Variants in CFAP91 observed in about 807,000 individuals in gnomAD.
The protein encoded by CFAP91 is cilia and flagella associated protein 91.
A neutral mutation model predicts 95.9 loss-of-function variants in CFAP91; 85 were observed. The ratio of observed to expected loss-of-function variants is 0.89; its 90% CI spans 0.74 to 1.06. CFAP91 has a LOEUF of 1.06. Among genes scored for constraint, CFAP91 ranks in the 50% least tolerant of loss-of-function variants. The pLI is 0.00. For missense variants in CFAP91, 962 were observed against 943.4 expected (o/e 1.02, Z -0.26); for synonymous variants, 335 against 327.5 (o/e 1.02, Z -0.25).
chr3:119,703,075 T>G lies in CFAP91; in HGVS notation c.-24T>G. On this transcript the variant is annotated 5_prime_UTR_variant, in exon 1 of 18. Transcript: ENST00000273390. ...CAGGCCTGACCCGCTGGTCCCTTGCTGGCGGGAGGAAAGAGGCGGCACCAT... is the reference window on the plus strand; with the variant it reads ...CAGGCCTGACCCGCTGGTCCCTTGCGGGCGGGAGGAAAGAGGCGGCACCAT... 6.4e-7 allele frequency: 1 copy of G among 1,550,448 alleles called. No individual in the cohort carries two copies.
At chr3:119,751,305 ACT>A (rs2054320939) in intron 17 of CFAP91, among the ~76,000 whole-genome samples, 1 of 152,078 alleles carries the variant, frequency 6.6e-6, no homozygotes, top group African/African-American at 2.4e-5. Flanking sequence ...CAGCAATTAG[ACT>A]CTTGTGATAC....
At chr3:119,752,507 C>A (rs1294752898) in intron 17 of CFAP91, 1 of 152,152 alleles carries the variant, frequency 6.6e-6, no homozygotes, top group Non-Finnish European at 1.5e-5. Context: ...TATAAAACAT[C>A]TATTACATGT....
rs142803302 is a variant in CFAP91 at position 119,722,081 on chromosome 3, G to T, written c.683-4090G>T. 7.9e-4 allele frequency among the ~76,000 whole-genome samples: 119 copies of T among 151,312 alleles called. 1 individual carries two copies. The highest frequency in any genetic ancestry group is 7.9e-4 in the Non-Finnish European group (54 of 67,928). ...CTAGCTACTCAAGAAGCTGATGCAG[G>T]ATTGCTTGAGCCCAGGGGTTCAAGG... On this transcript the variant is annotated intron_variant, in intron 6 of 17. Coordinates refer to ENST00000273390, the MANE Select transcript of CFAP91 (RefSeq NM_033364.4).
chr3:119,715,754 A>G lies in CFAP91; in HGVS notation c.682+11A>G. The G allele has an allele frequency of 6.2e-7, 1 of 1,612,130 alleles. No homozygotes were observed. Among genetic ancestry groups the G allele is most frequent in the Non-Finnish European group, 8.5e-7 (1 of 1,178,176 alleles). ...CTACGCTTACTTGGGGTGAGTTGGT[A>G]AATCTCCTGACTATTGGCAGATGAC... On this transcript the variant is annotated intron_variant, in intron 6 of 17. Coordinates refer to ENST00000273390, the MANE Select transcript of CFAP91 (RefSeq NM_033364.4).
intron 3 of CFAP91, among the ~76,000 whole-genome samples, chr3:119,708,286 T>A (rs75639389): frequency 1.4e-5 from 2 of 147,738 alleles, no homozygotes; most frequent in African/African-American, 2.5e-5. Flanking sequence ...AAAAAAAAAT[T>A]GTCTTTTAAT....
At chr3:119,758,060 G>T (rs35246961) in intron 17 of CFAP91, among the ~76,000 whole-genome samples, 33,593 of 151,888 alleles carry the variant, frequency 0.22, 3,858 homozygotes, top group Admixed American at 0.25. Flanking sequence ...TGTTTGTTTG[G>T]TTGGTTGGTT....
At chr3:119,733,646 T>G in intron 10 of CFAP91, 140 bp downstream of exon 10, 7 of 825,642 alleles carry the variant, frequency 8.5e-6, no homozygotes, top group Admixed American at 2.6e-5. Flanking sequence ...AGGTTGCCCA[T>G]GCTGTGCTGA....
intron 16 of CFAP91, among the ~76,000 whole-genome samples, chr3:119,748,530 G>GGT (rs1364307345): frequency 6.6e-6 from 1 of 152,154 alleles, no homozygotes; most frequent in African/African-American, 2.4e-5. Context: ...TAGACAGAGG[G>GGT]GTGCAACCAG....
chr3:119,715,841 G>A (rs1353524272), intron 6 of CFAP91, 98 bp downstream of exon 6: 2 of 1,106,138 alleles, frequency 1.8e-6, no homozygotes, highest in Non-Finnish European at 2.7e-6. Flanking sequence ...GGTTTACAGT[G>A]TTGCTATATA....
In CFAP91 at chr3:119,742,649, G is replaced by A. The variant is rs138874173; in HGVS notation, c.1681-1326G>A. Among the ~76,000 whole-genome samples the A allele has an allele frequency of 1.2e-4, 18 of 152,300 alleles. No individual in the cohort carries two copies. In the East Asian group the frequency reaches 3.5e-3, roughly 29 times the overall value. On this transcript the variant is annotated intron_variant, in intron 13 of 17. Transcript: ENST00000273390. ...GGCTGAGTATCTACTGTTTATGAAT[G>A]GAAGGAGTAGTGAGATGCTCTTAGC... is the stretch of plus-strand genomic sequence containing the variant.
At chr3:119,727,063 A>G (rs2053797207) in intron 7 of CFAP91, among the ~76,000 whole-genome samples, 1 of 152,190 alleles carries the variant, frequency 6.6e-6, no homozygotes, top group South Asian at 2.1e-4. Flanking sequence ...AGATTATGAG[A>G]ACCAAAAAAT....
chr3:119,720,396 C>CA (rs34084407), intron 6 of CFAP91, among the ~76,000 whole-genome samples: 84,050 of 129,514 alleles, frequency 0.65, 27,472 homozygotes, highest in East Asian at 0.83. Flanking sequence ...GACTCTGTCT[C>CA]AAAAAAAAAA....
rs544849441 is a variant in CFAP91 at position 119,739,058 on chromosome 3, G to A, written c.1462-197G>A. 2.6e-5 allele frequency among the ~76,000 whole-genome samples: 4 copies of A among 152,202 alleles called. No homozygotes were observed. In the East Asian group the frequency reaches 7.7e-4, roughly 29 times the overall value. Reference sequence around the variant, plus strand: ...GCTTGTAATATGATTTGTTAATGATGAAAAATAATGAATTCTAATGTAAGT... The same window carrying A: ...GCTTGTAATATGATTTGTTAATGATAAAAAATAATGAATTCTAATGTAAGT... On this transcript the variant is annotated intron_variant, in intron 11 of 17. Transcript: ENST00000273390.
At chr3:119,746,949 A>G (rs1224312241) in intron 14 of CFAP91, among the ~76,000 whole-genome samples, 166 bp from the exon 15 acceptor site, 3 of 152,216 alleles carry the variant, frequency 2.0e-5, no homozygotes, top group Non-Finnish European at 4.4e-5. Flanking sequence ...GGTGGATGAG[A>G]AACAGACTGA....
chr3:119,703,162 C>A lies in CFAP91; in HGVS notation c.64C>A (p.Arg22=). 6.2e-7 allele frequency: 1 copy of A among 1,604,726 alleles called. No homozygotes were observed. The highest frequency in any genetic ancestry group is 2.2e-5 in the East Asian group (1 of 44,580). ...GCCGCAGGTGTCTCAAACTCGGTACCGGGAGAGGTCGCGGGCTGGGAGCCA... is the reference window on the plus strand; with the variant it reads ...GCCGCAGGTGTCTCAAACTCGGTACAGGGAGAGGTCGCGGGCTGGGAGCCA... ...AQPQVSQTRY[R]ERSRAGSHIS... The change falls in exon 1 of 18, where the codon CGG becomes AGG. Residue 22 remains arginine, a synonymous_variant. Coordinates refer to ENST00000273390, the MANE Select transcript of CFAP91 (RefSeq NM_033364.4).
intron 16 of CFAP91, among the ~76,000 whole-genome samples, chr3:119,749,445 G>A (rs1232838536): frequency 2.0e-5 from 3 of 152,054 alleles, no homozygotes; most frequent in African/African-American, 2.4e-5. Context: ...GATCACTTGA[G>A]TGCAGGAGGT....
At chr3:119,745,376 T>C (rs918879827) in intron 14 of CFAP91, among the ~76,000 whole-genome samples, 3 of 152,216 alleles carry the variant, frequency 2.0e-5, no homozygotes, top group Non-Finnish European at 4.4e-5. Flanking sequence ...CATCGACTCA[T>C]CTTTAAATAC....
chr3:119,763,597 A>G (rs1387480029), intron 17 of CFAP91, among the ~76,000 whole-genome samples: 5 of 151,778 alleles, frequency 3.3e-5, no homozygotes, highest in Admixed American at 2.6e-4. Flanking sequence ...TGGTATACAC[A>G]CAATTGAATA....
chr3:119,715,935 G>A (rs1400783182), intron 6 of CFAP91, 192 bp downstream of exon 6: 4 of 609,654 alleles, frequency 6.6e-6, no homozygotes, highest in South Asian at 2.0e-5. Context: ...TTTATTGTGA[G>A]TAGTTTTATC....
Sources: allele counts gnomAD v4.1 joint callset (sites outside exome capture counted in the v4.1 genomes callset), GRCh38; gene constraint gnomAD v4.1.1; transcripts MANE v1.5; gene names NCBI Gene and HGNC (gene_info 2026-07-23, HGNC 2026-07-21).